HMMR: variants seen among roughly 807,000 people sequenced by gnomAD.
HMMR encodes the protein hyaluronan mediated motility receptor.
In HMMR, 108 loss-of-function variants were observed where a neutral mutation model predicts 101.0. The observed-to-expected ratio is 1.07, with a 90% CI of 0.92 to 1.25. HMMR has a LOEUF of 1.25. Ranked by LOEUF, HMMR falls within the 50% of genes most tolerant of loss-of-function variation. The probability of loss-of-function intolerance (pLI) is 0.00; values close to 1 mark genes in which losing one functional copy is unlikely to be tolerated. For missense variants in HMMR, 813 were observed against 788.7 expected (o/e 1.03, Z -0.37); for synonymous variants, 296 against 276.4 (o/e 1.07, Z -0.70).
At chr5:163,469,370 CAAAA>C (rs11325489) in intron 4 of HMMR, among the ~76,000 whole-genome samples, 3 of 108,238 alleles carry the variant, frequency 2.8e-5, no homozygotes, top group Non-Finnish European at 2.0e-5. Context: ...GACTCCATCT[CAAAA>C]AAAAAAAAAA....
At position 163,490,557 on chromosome 5, in the gene HMMR, G is replaced by T; in HGVS notation, c.2125+5G>T. 1.3e-6 allele frequency: 2 copies of T among 1,577,656 alleles called. No individual in the cohort carries two copies. The highest frequency in any genetic ancestry group is 1.2e-5 in the South Asian group (1 of 85,356). On this transcript the variant is annotated splice_donor_5th_base_variant and intron_variant, in intron 17 of 17. Coordinates refer to ENST00000393915, the MANE Select transcript of HMMR (RefSeq NM_001142556.2). The stretch of plus-strand genomic sequence containing the variant: ...TGAAGACCCCATTAAAAGAAGGTAA[G>T]ACATGAATAAATGTATAAAAGTGTC...
At chr5:163,466,352 T>C (rs544537191) in intron 3 of HMMR, among the ~76,000 whole-genome samples, 60 of 152,294 alleles carry the variant, frequency 3.9e-4, no homozygotes, top group African/African-American at 1.4e-3. Context: ...AAGGCTTAGG[T>C]TGTTCATTCA....
In HMMR at chr5:163,460,749, G is replaced by A. The variant is rs370286720; in HGVS notation, c.46+11G>A. 18 of 1,605,564 alleles carry A rather than the reference G, an allele frequency of 1.1e-5. No individual in the cohort carries two copies. Among genetic ancestry groups the A allele is most frequent in the Non-Finnish European group, 1.4e-5 (17 of 1,175,906 alleles). On this transcript the variant is annotated intron_variant, in intron 1 of 17. Coordinates refer to ENST00000393915, the MANE Select transcript of HMMR (RefSeq NM_001142556.2). ...TCAATGACCCTTCTGGTGCGTAAGG[G>A]GGAAAGAGCTGGGGGACGGGAGACG...
intron 1 of HMMR, among the ~76,000 whole-genome samples, chr5:163,461,262 C>T (rs549961385): frequency 6.6e-6 from 1 of 152,308 alleles, no homozygotes; most frequent in Non-Finnish European, 1.5e-5. Context: ...ATACCTCAAG[C>T]ACCGTACTAA....
At chr5:163,490,720 C>T (rs1378488913) in intron 17 of HMMR, among the ~76,000 whole-genome samples, 168 bp downstream of exon 17, 2 of 152,162 alleles carry the variant, frequency 1.3e-5, no homozygotes, top group Non-Finnish European at 2.9e-5. Context: ...CCTCCTTCTA[C>T]GCTTTCTTTT....
rs551901312 is a variant in HMMR at position 163,463,705 on chromosome 5, T to C, written c.47-151T>C. ...ATTGTTCTTCATAGAGAGGCCTTCTTTGTAATATCAAATGGATGCAATTTT... is the reference window on the plus strand; with the variant it reads ...ATTGTTCTTCATAGAGAGGCCTTCTCTGTAATATCAAATGGATGCAATTTT... On this transcript the variant is annotated intron_variant, in intron 1 of 17. Transcript: ENST00000393915. 3.4e-4 allele frequency: 143 copies of C among 420,238 alleles called. 1 individual carries two copies. Among genetic ancestry groups the C allele is most frequent in the Non-Finnish European group, 3.0e-5 (7 of 230,790 alleles). The allele number at this position is 420,238 out of a possible 1,614,324, so 26.0% of individuals were successfully genotyped here. A position where few individuals can be genotyped will look rare whatever the true frequency, so the allele number is the denominator to read the frequency against.
chr5:163,470,976 G>A (rs553475336), intron 5 of HMMR, among the ~76,000 whole-genome samples: 8 of 152,164 alleles, frequency 5.3e-5, no homozygotes, highest in South Asian at 2.1e-4. Flanking sequence ...CCTGGACAGC[G>A]GAGCGAGACT....
In HMMR at chr5:163,471,436, G is replaced by A; in HGVS notation, c.623G>A (p.Gly208Glu). The A allele has an allele frequency of 1.2e-6, 2 of 1,613,472 alleles. No individual in the cohort carries two copies. Among genetic ancestry groups the A allele is most frequent in the Non-Finnish European group, 1.7e-6 (2 of 1,179,454 alleles). ...VTQRSLEESQGKIAQLEGKLV... is the reference protein window; with the variant it reads ...VTQRSLEESQEKIAQLEGKLV... ...CAAAGGAGTCTCGAAGAGTCTCAAGGGAAAATAGCCCAACTGGAGGGAAAA... is the reference window on the plus strand; with the variant it reads ...CAAAGGAGTCTCGAAGAGTCTCAAGAGAAAATAGCCCAACTGGAGGGAAAA... Residue 208 changes from glycine (G) to glutamate (E), a missense_variant, in exon 7 of 18, where the codon GGG becomes GAG. Gly to Glu is a moderately conservative substitution (Grantham distance 98). Transcript: ENST00000393915.
At position 163,488,984 on chromosome 5, in the gene HMMR, G is replaced by C. The variant is rs573356933; in HGVS notation, c.1963-1406G>C. Among the ~76,000 whole-genome samples, 7 of 152,136 alleles carry C rather than the reference G, an allele frequency of 4.6e-5. No homozygotes were observed. The South Asian group carries it at 1.2e-3, about 27-fold the overall frequency. ...CTTTAATGGTTCCCCAACCTTTTTG[G>C]CACCAGGGACCAGTTTTGTGGAAGG... is the stretch of plus-strand genomic sequence containing the variant. On this transcript the variant is annotated intron_variant, in intron 16 of 17. Transcript: ENST00000393915.
Position 163,490,406 on chromosome 5 carries a change from G to A in HMMR, c.1979G>A (p.Arg660His), listed in dbSNP as rs141056157. 146 of 1,578,638 alleles carry A rather than the reference G, an allele frequency of 9.2e-5. No individual in the cohort carries two copies. In the African/African-American group the frequency reaches 1.4e-3, roughly 15 times the overall value. Residue 660 changes from arginine to histidine, a missense_variant, in exon 17 of 18, where the codon CGC becomes CAC. Arg to His is a conservative substitution (Grantham distance 29, BLOSUM62 0). Coordinates refer to ENST00000393915, the MANE Select transcript of HMMR (RefSeq NM_001142556.2). The part of the protein sequence containing the change: ...SQLKSEVSKL[R>H]CQLAKKKQSE... The stretch of plus-strand genomic sequence containing the variant: ...TTTACCTAGGAAGTATCAAAACTCC[G>A]CTGTCAGCTTGCTAAAAAAAAACAA...
intron 9 of HMMR, 136 bp downstream of exon 9, chr5:163,473,693 T>C: frequency 1.8e-6 from 1 of 570,780 alleles, no homozygotes; most frequent in East Asian, 3.1e-5. Flanking sequence ...GCTATATAGC[T>C]ATACAACAGC....
chr5:163,475,468 C>T lies in HMMR; in HGVS notation c.1064C>T (p.Ser355Leu), dbSNP rs372204284. The T allele has an allele frequency of 6.6e-5, 105 of 1,583,606 alleles. No individual in the cohort carries two copies. Among genetic ancestry groups the T allele is most frequent in the African/African-American group, 8.1e-5 (6 of 73,850 alleles). The change falls in exon 11 of 18, where the codon TCG (serine) becomes TTG (leucine). Residue 355 changes from serine to leucine, a missense_variant. Coordinates refer to ENST00000393915, the MANE Select transcript of HMMR (RefSeq NM_001142556.2). ...TCTGTTTGGATATAGGAATTATCTT[C>T]GAGTCTTCATCAGAAGCTCTGTTCT... ...SLLQQEKELS[S>L]SLHQKLCSFQ...
At chr5:163,468,203 G>T (rs1367150217) in intron 4 of HMMR, among the ~76,000 whole-genome samples, 1 of 152,170 alleles carries the variant, frequency 6.6e-6, no homozygotes, top group Non-Finnish European at 1.5e-5. Flanking sequence ...CCTTCCTCAT[G>T]GGTGAAATAA....
intron 17 of HMMR, among the ~76,000 whole-genome samples, 158 bp from the exon 18 acceptor site, chr5:163,490,954 A>T (rs1338958810): frequency 6.6e-6 from 1 of 152,194 alleles, no homozygotes; most frequent in Non-Finnish European, 1.5e-5. Context: ...TTTCACGATA[A>T]ATTAAAGTTG....
intron 7 of HMMR, among the ~76,000 whole-genome samples, chr5:163,472,238 T>C (rs1194623396): frequency 6.6e-6 from 1 of 152,036 alleles, no homozygotes; most frequent in Non-Finnish European, 1.5e-5. Flanking sequence ...GTTGCTTCTT[T>C]TGTTTGATGT....
intron 16 of HMMR, 95 bp downstream of exon 16, chr5:163,484,340 A>G (rs1440059762): frequency 4.6e-6 from 3 of 647,024 alleles, no homozygotes; most frequent in African/African-American, 3.8e-5. Context: ...TGGTATCAGA[A>G]AAAAATAACT....
intron 8 of HMMR, 28 bp from the exon 9 acceptor site, chr5:163,473,351 C>G (rs149132385): frequency 6.3e-7 from 1 of 1,578,270 alleles, no homozygotes; most frequent in East Asian, 2.2e-5. Context: ...AATAGATGTG[C>G]TTTTTAAGAT....
chr5:163,474,229 A>G (rs1758997801), intron 10 of HMMR, 24 bp downstream of exon 10: 1 of 1,575,944 alleles, frequency 6.3e-7, no homozygotes, highest in African/African-American at 1.4e-5. Flanking sequence ...ATATTTTTTT[A>G]AACTGTTCAT....
chr5:163,469,352 C>T (rs1384892576), intron 4 of HMMR, among the ~76,000 whole-genome samples: 1 of 115,796 alleles, frequency 8.6e-6, no homozygotes, highest in East Asian at 2.4e-4. Context: ...CAACAGAGCA[C>T]AGAGCAAGAC....
Sources: allele counts gnomAD v4.1 joint callset (sites outside exome capture counted in the v4.1 genomes callset), GRCh38; gene constraint gnomAD v4.1.1; transcripts MANE v1.5; gene names NCBI Gene and HGNC (gene_info 2026-07-23, HGNC 2026-07-21).